KLK10: variants seen among roughly 807,000 people sequenced by gnomAD.
KLK10 encodes the protein kallikrein-10.
Under a neutral mutation model 25.7 loss-of-function variants are expected in KLK10, and 27 were observed. The observed-to-expected ratio is 1.05, with a 90% CI of 0.77 to 1.45. KLK10 has a LOEUF of 1.45. KLK10 is among the 40% of genes most tolerant of loss of function. KLK10 has a pLI of 0.00. For missense variants in KLK10, 386 were observed against 370.0 expected, an observed-to-expected ratio of 1.04 and a Z score of -0.35; for synonymous variants, 173 against 160.1, an observed-to-expected ratio of 1.08 and a Z score of -0.61.
In KLK10 at chr19:51,014,951, C is replaced by G; in HGVS notation, c.680G>C (p.Ser227Thr). The G allele has an allele frequency of 1.2e-6, 2 of 1,612,418 alleles. No individual in the cohort carries two copies. The highest frequency in any genetic ancestry group is 1.7e-6 in the Non-Finnish European group (2 of 1,179,510). ...ACAGACCAGGGGGCCTCCAGAGTCA[C>G]TCTGGGGGTGGCAGGAAGGAGAGAT... Reference protein sequence around the residue: ...GLDRGQDPCQSDSGGPLVCDE... With the variant: ...GLDRGQDPCQTDSGGPLVCDE... Residue 227 changes from serine to threonine, a missense_variant and splice_region_variant, in exon 6 of 6, where the codon AGT becomes ACT. Ser to Thr is a moderately conservative substitution (Grantham distance 58). Transcript: ENST00000358789.
At chr19:51,019,919 C>G (rs928175233), upstream of KLK10, 2 of 152,104 alleles carry the variant, frequency 1.3e-5, no homozygotes, top group Admixed American at 1.3e-4. The surrounding 1 kb of genome is among the most constrained non-coding windows in gnomAD (Gnocchi z 4.2). Flanking sequence ...CTTTTCATCC[C>G]TTTTGGAACT....
At chr19:51,017,381 G>T in intron 2 of KLK10, 91 bp from the exon 3 acceptor site, 1 of 1,183,706 alleles carries the variant, frequency 8.4e-7, no homozygotes, top group Non-Finnish European at 1.2e-6. Flanking sequence ...CTGCGTTCGG[G>T]GACGGGGGAC....
intron 3 of KLK10, among the ~76,000 whole-genome samples, chr19:51,016,435 C>G (rs1600139433): frequency 6.6e-6 from 1 of 151,926 alleles, no homozygotes; most frequent in Non-Finnish European, 1.5e-5. Flanking sequence ...CTCTTGTCAC[C>G]CAGGCTAGAA....
At position 51,015,436 on chromosome 19, in the gene KLK10, C is replaced by A; in HGVS notation, c.659G>T (p.Arg220Leu). The A allele has an allele frequency of 6.2e-7, 1 of 1,613,752 alleles. No individual in the cohort carries two copies. Residue 220 changes from arginine to leucine, a missense_variant, in exon 5 of 6, where the codon CGG becomes CTG. By Grantham distance (102) the Arg-to-Leu change is moderately radical (BLOSUM62 -2). Coordinates refer to ENST00000358789, the MANE Select transcript of KLK10 (RefSeq NM_145888.3). ...TNNMICAGLD[R>L]GQDPCQSDSG... ...CCCTACCTGGCAAGGGTCCTGGCCC[C>A]GGTCCAGTCCAGCACATATCATGTT...
chr19:51,015,361 A>G, intron 5 of KLK10, 56 bp downstream of exon 5: 1 of 1,588,410 alleles, frequency 6.3e-7, no homozygotes, highest in South Asian at 1.1e-5. Context: ...CTCTTTTCCC[A>G]TAACCTCCCT....
At chr19:51,015,653 C>CAA in intron 4 of KLK10, 103 bp from the exon 5 acceptor site, 1 of 1,338,532 alleles carries the variant, frequency 7.5e-7, no homozygotes, top group Non-Finnish European at 1.0e-6. Flanking sequence ...CCAGCCCCTC[C>CAA]TCCTTCAGAC....
At position 51,014,818 on chromosome 19, in the gene KLK10, T is replaced by C. The variant is rs932408324; in HGVS notation, c.813A>G (p.Lys271=). 9 of 1,613,980 alleles carry C rather than the reference T, an allele frequency of 5.6e-6. No homozygotes were observed. The highest frequency in any genetic ancestry group is 1.6e-4 in the Middle Eastern group (1 of 6,082). ...ATCTGGATCAGTTGGAGCGTATGAC[T>C]TTATTGATCCAGGACATGTATTTGC... is the stretch of plus-strand genomic sequence containing the variant. The part of the protein sequence containing the change: ...QICKYMSWIN[K]VIRSN The change falls in exon 6 of 6, where the codon AAA becomes AAG. Residue 271 remains lysine, a synonymous_variant. Coordinates refer to ENST00000358789, the MANE Select transcript of KLK10 (RefSeq NM_145888.3).
chr19:51,015,859 G>A (rs565186370), intron 4 of KLK10, 23 bp downstream of exon 4: 66 of 1,498,574 alleles, frequency 4.4e-5, no homozygotes, highest in East Asian at 7.1e-5. Context: ...CTGAGGTTCC[G>A]GCCTCAGAGC....
intron 5 of KLK10, among the ~76,000 whole-genome samples, 158 bp from the exon 6 acceptor site, chr19:51,015,110 AGGT>A (rs2091306862): frequency 1.3e-5 from 2 of 151,700 alleles, no homozygotes; most frequent in African/African-American, 4.8e-5. Context: ...GTAGGAATGG[AGGT>A]GGACTTCAGG....
intron 2 of KLK10, chr19:51,018,801 C>A: frequency 1.7e-6 from 1 of 578,262 alleles, no homozygotes; most frequent in Admixed American, 3.0e-5. Flanking sequence ...GGCGAAGAGT[C>A]CACGGAAGAG....
At position 51,013,671 on chromosome 19, in the gene KLK10, T is replaced by A. The variant is rs945579653; in HGVS notation, c.*1129A>T. The A allele has an allele frequency of 6.5e-6, 1 of 153,682 alleles. No individual in the cohort carries two copies. The highest frequency in any genetic ancestry group is 6.5e-5 in the Admixed American group (1 of 15,268). The allele number at this position is 153,682 out of a possible 1,614,324, so 9.5% of individuals were successfully genotyped here. ...AACACCTGACCTCAGATGATCTGCT[T>A]TCCTCGGCCTCCCAAAGTGCTAGGA... On this transcript the variant is annotated 3_prime_UTR_variant, in exon 6 of 6. Coordinates refer to ENST00000358789, the MANE Select transcript of KLK10 (RefSeq NM_145888.3).
rs772969415 is a variant in KLK10, at chr19:51,016,027, C to T, written c.399G>A (p.Thr133=). ...QGSGPILPRR[T]DEHDLMLLKL... The stretch of plus-strand genomic sequence containing the variant: ...TCAGCAACATGAGATCGTGCTCATC[C>T]GTTCGCCTTGGCAGGATGGGGCCTG... The change falls in exon 4 of 6, where the codon ACG becomes ACA. Residue 133 remains threonine, a synonymous_variant. Coordinates refer to ENST00000358789, the MANE Select transcript of KLK10 (RefSeq NM_145888.3). 10 of 1,565,874 alleles carry T rather than the reference C, an allele frequency of 6.4e-6. No individual in the cohort carries two copies. Among genetic ancestry groups the T allele is most frequent in the Admixed American group, 5.7e-5 (3 of 52,348 alleles).
At chr19:51,017,826 C>G (rs1456364910) in intron 2 of KLK10, among the ~76,000 whole-genome samples, 1 of 94,488 alleles carries the variant, frequency 1.1e-5, no homozygotes, top group Non-Finnish European at 2.0e-5. Flanking sequence ...TCTACAAAAA[C>G]AAACAAACAA....
At position 51,014,655 on chromosome 19, in the gene KLK10, G is replaced by T; in HGVS notation, c.*145C>A. ...TGAGGTGAGAGGGGAGATGTTTAGA[G>T]GTGTGGAGGGCGGCAGAGGTTTGAA... On this transcript the variant is annotated 3_prime_UTR_variant, in exon 6 of 6. Transcript: ENST00000358789. The T allele has an allele frequency of 1.4e-6, 1 of 709,046 alleles. No homozygotes were observed. The highest frequency in any genetic ancestry group is 2.4e-6 in the Non-Finnish European group (1 of 414,788). The allele number at this position is 709,046 out of a possible 1,614,324, so 43.9% of individuals were successfully genotyped here. A position where few individuals can be genotyped will look rare whatever the true frequency, so the allele number is the denominator to read the frequency against.
At position 51,017,321 on chromosome 19, in the gene KLK10, A is replaced by C. The variant is rs780935289; in HGVS notation, c.89-31T>G. 3.8e-6 allele frequency: 6 copies of C among 1,570,408 alleles called. No individual in the cohort carries two copies. In the South Asian group the frequency reaches 5.8e-5, roughly 15 times the overall value. Reference sequence around the variant, plus strand: ...GAAAGAAAGGGGACGGAATCAAAGCACGGAGGGCAGGGTCTGGGTTTGGGG... The same window carrying C: ...GAAAGAAAGGGGACGGAATCAAAGCCCGGAGGGCAGGGTCTGGGTTTGGGG... On this transcript the variant is annotated intron_variant, in intron 2 of 5. Coordinates refer to ENST00000358789, the MANE Select transcript of KLK10 (RefSeq NM_145888.3).
At position 51,014,972 on chromosome 19, in the gene KLK10, G is replaced by A; in HGVS notation, c.679-20C>T. On this transcript the variant is annotated intron_variant, in intron 5 of 5. Coordinates refer to ENST00000358789, the MANE Select transcript of KLK10 (RefSeq NM_145888.3). ...GTCACTCTGGGGGTGGCAGGAAGGA[G>A]AGATCAAATAAATGTGCCAACGTGA... 6.2e-7 allele frequency: 1 copy of A among 1,608,338 alleles called. No homozygotes were observed. The highest frequency in any genetic ancestry group is 8.5e-7 in the Non-Finnish European group (1 of 1,177,516).
chr19:51,014,842 G>A lies in KLK10; in HGVS notation c.789C>T (p.Cys263=). Residue 263 remains cysteine, a synonymous_variant, in exon 6 of 6, where the codon TGC becomes TGT. Transcript: ENST00000358789. The stretch of plus-strand genomic sequence containing the variant: ...CTTTATTGATCCAGGACATGTATTT[G>A]CAGATCTGGGTGTAGACAGCTGGAT... ...AQHPAVYTQI[C]KYMSWINKVI... The A allele has an allele frequency of 6.2e-7, 1 of 1,614,086 alleles. No individual in the cohort carries two copies. The highest frequency in any genetic ancestry group is 1.1e-5 in the South Asian group (1 of 91,076).
intron 2 of KLK10, 85 bp downstream of exon 2, chr19:51,018,958 C>T: frequency 9.8e-7 from 1 of 1,019,334 alleles, no homozygotes; most frequent in Non-Finnish European, 1.5e-6. Flanking sequence ...AGGAGAGGTG[C>T]GCGGGGCTTG....
intron 2 of KLK10, among the ~76,000 whole-genome samples, chr19:51,018,215 AAAAC>A (rs1432699170): frequency 1.1e-4 from 16 of 149,160 alleles, no homozygotes; most frequent in Non-Finnish European, 1.9e-4. Flanking sequence ...GAGAAAGAAA[AAAAC>A]AAGAAAGAAA....
Sources: allele counts gnomAD v4.1 joint callset (sites outside exome capture counted in the v4.1 genomes callset), GRCh38; gene constraint gnomAD v4.1.1; non-coding constraint Gnocchi (gnomAD v3.1); transcripts MANE v1.5; gene names NCBI Gene and HGNC (gene_info 2026-07-23, HGNC 2026-07-21).